The following ADAMTS7 variants were observed in gnomAD, a reference collection of about 807,000 sequenced individuals.
ADAMTS7 encodes the protein ADAM metallopeptidase with thrombospondin type 1 motif 7, also known as A disintegrin and metalloproteinase with thrombospondin motifs 7.
ADAMTS7 carries 89 observed loss-of-function variants against 172.6 expected under a neutral mutation model. The observed-to-expected ratio is 0.52, with a 90% CI of 0.43 to 0.61. ADAMTS7 has a LOEUF of 0.61. Ranked by LOEUF, ADAMTS7 falls within the 20% of genes least tolerant of loss-of-function variation. ADAMTS7 has a pLI of 0.00. For missense variants in ADAMTS7, 1,973 were observed against 2,355.6 expected (o/e 0.84, Z 3.36); for synonymous variants, 885 against 978.4 (o/e 0.90, Z 1.78).
chr15:78,771,301 C>T lies in ADAMTS7; in HGVS notation c.2379G>A (p.Leu793=), dbSNP rs764217418. Residue 793 remains leucine (L), a splice_region_variant and synonymous_variant, in exon 16 of 24, where the codon CTG becomes CTA. Transcript: ENST00000388820. This position sits in a 1 kb window ranked among gnomAD's most constrained non-coding sequence, Gnocchi z 4.9. ...GPTKEPVWIQ[L]LFQESNPGVH... ...CCCCAGGGTTGCTCTCCTGGAACAG[C>T]AGCTGGGTGGGCAGGCGGGGGCCCA... 9 of 1,612,380 alleles carry T rather than the reference C, an allele frequency of 5.6e-6. No individual in the cohort carries two copies. Among genetic ancestry groups the T allele is most frequent in the Non-Finnish European group, 7.6e-6 (9 of 1,179,074 alleles).
chr15:78,802,939 G>A (rs1405382321), intron 1 of ADAMTS7, among the ~76,000 whole-genome samples: 1 of 152,140 alleles, frequency 6.6e-6, no homozygotes, highest in Non-Finnish European at 1.5e-5. Context: ...GGAGGTTGTA[G>A]TGAGCCGAGA....
chr15:78,783,636 A>G (rs2055463216), intron 8 of ADAMTS7, among the ~76,000 whole-genome samples: 2 of 152,188 alleles, frequency 1.3e-5, no homozygotes, highest in Admixed American at 6.5e-5. Context: ...GGAAAGAAAA[A>G]CATTTCAGGG....
intron 1 of ADAMTS7, among the ~76,000 whole-genome samples, chr15:78,804,461 G>C (rs2055763656): frequency 6.6e-6 from 1 of 152,124 alleles, no homozygotes; most frequent in Non-Finnish European, 1.5e-5. Context: ...GGCTGTTCAC[G>C]ACAATAGACT....
Position 78,774,725 on chromosome 15 carries a change from C to A in ADAMTS7, c.1775G>T (p.Cys592Phe). The A allele has an allele frequency of 6.2e-7, 1 of 1,611,632 alleles. No individual in the cohort carries two copies. The highest frequency in any genetic ancestry group is 8.5e-7 in the Non-Finnish European group (1 of 1,179,762). The change falls in exon 12 of 24, where the codon TGC becomes TTC. Residue 592 changes from cysteine (C) to phenylalanine (F), a missense_variant. Around this residue, in one of 8 missense-constraint regions of ADAMTS7, gnomAD observed 526 missense variants for 662.9 expected, o/e 0.79. Transcript: ENST00000388820. ...KRFRLCNLQA[C>F]PAGRPSFRHV... Reference sequence around the variant, plus strand: ...GCGGAAGGAGGGGCGGCCAGCAGGGCAGGCCTGCAGGTTGCAGAGGCGGAA... The same window carrying A: ...GCGGAAGGAGGGGCGGCCAGCAGGGAAGGCCTGCAGGTTGCAGAGGCGGAA...
intron 1 of ADAMTS7, among the ~76,000 whole-genome samples, chr15:78,804,205 T>C (rs1392736404): frequency 1.3e-5 from 2 of 152,240 alleles, no homozygotes; most frequent in Non-Finnish European, 2.9e-5. Context: ...GTCCATCCCT[T>C]ACTGGGCCTC....
chr15:78,761,903 C>G (rs1305987590), intron 23 of ADAMTS7: 12 of 985,254 alleles, frequency 1.2e-5, no homozygotes, highest in Non-Finnish European at 4.8e-6. Flanking sequence ...CTTCCTGCCT[C>G]AAACCCCATT....
intron 1 of ADAMTS7, among the ~76,000 whole-genome samples, chr15:78,808,575 C>T (rs1245981811): frequency 6.6e-6 from 1 of 152,150 alleles, no homozygotes; most frequent in Non-Finnish European, 1.5e-5. Context: ...ATTGTTTTGC[C>T]ATTAAAATAT....
In ADAMTS7 at chr15:78,767,517, G is replaced by A. The variant is rs1596175622; in HGVS notation, c.2721C>T (p.Cys907=). 1 of 1,604,160 alleles carries A rather than the reference G, an allele frequency of 6.2e-7. No homozygotes were observed. The highest frequency in any genetic ancestry group is 2.2e-5 in the East Asian group (1 of 44,656). ...PGGLSRRAVL[C]IRSVGLDEQS... Reference sequence around the variant, plus strand: ...GCTCATCCAGCCCCACGCTGCGGATGCAGAGCACGGCCCGGCGGGAGAGGC... The same window carrying A: ...GCTCATCCAGCCCCACGCTGCGGATACAGAGCACGGCCCGGCGGGAGAGGC... The change falls in exon 18 of 24, where the codon TGC becomes TGT. Residue 907 remains cysteine, a synonymous_variant. Coordinates refer to ENST00000388820, the MANE Select transcript of ADAMTS7 (RefSeq NM_014272.5).
chr15:78,769,782 G>A (rs1487311166), intron 16 of ADAMTS7, among the ~76,000 whole-genome samples: 7 of 152,250 alleles, frequency 4.6e-5, no homozygotes, highest in Middle Eastern at 3.2e-3. Context: ...GTCCACCTGC[G>A]AAGCAGCCAA....
chr15:78,775,520 C>A (rs78657732), intron 11 of ADAMTS7, among the ~76,000 whole-genome samples: 2 of 150,508 alleles, frequency 1.3e-5, no homozygotes, highest in African/African-American at 4.9e-5. Flanking sequence ...CCACTTGCCT[C>A]TGCTTCTCAC....
rs2055177629 is a variant in ADAMTS7, at chr15:78,767,598, G to A, written c.2646-6C>T. 20 of 1,534,978 alleles carry A rather than the reference G, an allele frequency of 1.3e-5. No individual in the cohort carries two copies. Among genetic ancestry groups the A allele is most frequent in the Non-Finnish European group, 1.6e-5 (18 of 1,138,470 alleles). On this transcript the variant is annotated splice_polypyrimidine_tract_variant and splice_region_variant and intron_variant, in intron 17 of 23. Coordinates refer to ENST00000388820, the MANE Select transcript of ADAMTS7 (RefSeq NM_014272.5). ...GCCACTCACCTGCCCACCACCTGGC[G>A]AGGGCACACAGGTGGCATCAGTGTG...
In ADAMTS7 at chr15:78,800,299, C is replaced by T; in HGVS notation, c.349G>A (p.Gly117Ser). The T allele has an allele frequency of 6.3e-7, 1 of 1,590,584 alleles. No individual in the cohort carries two copies. Among genetic ancestry groups the T allele is most frequent in the Non-Finnish European group, 8.5e-7 (1 of 1,173,120 alleles). ...VSETRRRGGL[G>S]RAHIRAHTPA... ...GTGTGGGCCCGGATGTGCGCGCGGC[C>T]CAGGCCGCCGCGCCGCCGCGTCTCG... is the stretch of plus-strand genomic sequence containing the variant. Residue 117 changes from glycine to serine, a missense_variant, in exon 2 of 24, where the codon GGC becomes AGC. Around this residue, in one of 8 missense-constraint regions of ADAMTS7, gnomAD observed 306 missense variants for 288.0 expected, o/e 1.06. Coordinates refer to ENST00000388820, the MANE Select transcript of ADAMTS7 (RefSeq NM_014272.5).
intron 1 of ADAMTS7, among the ~76,000 whole-genome samples, chr15:78,800,947 G>T (rs755980976): frequency 2.0e-5 from 3 of 152,072 alleles, no homozygotes; most frequent in Non-Finnish European, 4.4e-5. Flanking sequence ...CACCATGTTG[G>T]CCAGGCTGGT....
chr15:78,809,719 T>C (rs2055840201), intron 1 of ADAMTS7, among the ~76,000 whole-genome samples: 1 of 152,210 alleles, frequency 6.6e-6, no homozygotes, highest in East Asian at 1.9e-4. Flanking sequence ...CCCATTCCCA[T>C]CGCCCGGTTC....
chr15:78,802,947 A>AGATC (rs1787962117), intron 1 of ADAMTS7, among the ~76,000 whole-genome samples: 1 of 152,130 alleles, frequency 6.6e-6, no homozygotes, highest in East Asian at 1.9e-4. Flanking sequence ...TAGTGAGCCG[A>AGATC]GATCGCATCA....
In ADAMTS7 at chr15:78,791,187, G is replaced by C; in HGVS notation, c.856C>G (p.Pro286Ala). ...GLFHDPSIGN[P>A]IHITIVRLVL... is the part of the protein sequence containing the mutation. ...AGGCGCACAATGGTGATGTGGATGG[G>C]GTTCCCAATGCTGGGGTCATGAAAC... Residue 286 changes from proline to alanine, a missense_variant, in exon 5 of 24, where the codon CCC (proline) becomes GCC (alanine). Coordinates refer to ENST00000388820, the MANE Select transcript of ADAMTS7 (RefSeq NM_014272.5). 6.2e-7 allele frequency: 1 copy of C among 1,613,560 alleles called. No individual in the cohort carries two copies. Among genetic ancestry groups the C allele is most frequent in the Non-Finnish European group, 8.5e-7 (1 of 1,179,740 alleles).
At chr15:78,776,356 A>G (rs2055345617) in intron 10 of ADAMTS7, 23 bp from the exon 11 acceptor site, 3 of 1,603,496 alleles carry the variant, frequency 1.9e-6, no homozygotes, top group Admixed American at 1.7e-5. Flanking sequence ...ACGGAGGTAG[A>G]GCCACCCCAC....
chr15:78,793,725 A>T (rs1312283274), intron 4 of ADAMTS7, among the ~76,000 whole-genome samples: 1 of 152,180 alleles, frequency 6.6e-6, no homozygotes, highest in Non-Finnish European at 1.5e-5. Context: ...GATGGCTCTC[A>T]ACAAGTCAGT....
chr15:78,771,560 C>T lies in ADAMTS7; in HGVS notation c.2376+25G>A, dbSNP rs3825808. On this transcript the variant is annotated intron_variant, in intron 15 of 23. Transcript: ENST00000388820. The surrounding 1 kb of genome is among the most constrained non-coding windows in gnomAD (Gnocchi z 4.9). ...CTGGGGACTCCGCCTCTGCTCCCCC[C>T]GCCTGGGCCACGGGAGGCAGGCACC... The T allele has an allele frequency of 5.7e-5, 90 of 1,579,664 alleles. 1 individual carries two copies. The highest frequency in any genetic ancestry group is 1.1e-4 in the Admixed American group (6 of 55,974).
Sources: allele counts gnomAD v4.1 joint callset (sites outside exome capture counted in the v4.1 genomes callset), GRCh38; gene constraint gnomAD v4.1.1; regional missense constraint gnomAD v4.1.1; non-coding constraint Gnocchi (gnomAD v3.1); transcripts MANE v1.5; gene names NCBI Gene and HGNC (gene_info 2026-07-23, HGNC 2026-07-21).